Variants in TPRX1 observed in about 807,000 individuals in gnomAD.
TPRX1 encodes the protein tetra-peptide repeat homeobox protein 1.
In TPRX1, 2 loss-of-function variants were observed where a neutral mutation model predicts 8.1. The observed-to-expected ratio is 0.25, with a 90% CI of 0.10 to 0.78. The LOEUF (loss-of-function observed/expected upper bound fraction) is 0.78, where lower values mean the gene tolerates loss of function less well. TPRX1 is among the 30% of genes least tolerant of loss of function. TPRX1 has a pLI of 0.70. For missense variants in TPRX1, 517 were observed against 586.9 expected (o/e 0.88, Z 1.23); for synonymous variants, 257 against 254.1 (o/e 1.01, Z -0.11).
At chr19:47,816,529 A>AT (rs35029272) in intron 2 of TPRX1, among the ~76,000 whole-genome samples, 37,455 of 114,684 alleles carry the variant, frequency 0.33, 7,174 homozygotes, top group Non-Finnish European at 0.39. Context: ...ACCCCTGGGA[A>AT]TTTTTTTTTT....
At chr19:47,818,686 G>A (rs1444808141) in intron 1 of TPRX1, 7 of 382,786 alleles carry the variant, frequency 1.8e-5, no homozygotes, top group Admixed American at 1.3e-4. Flanking sequence ...TCAACAACCT[G>A]ATCCAAGGAT....
intron 2 of TPRX1, among the ~76,000 whole-genome samples, chr19:47,815,844 A>G (rs568468405): frequency 6.6e-6 from 1 of 151,966 alleles, no homozygotes; most frequent in East Asian, 1.9e-4. Context: ...AATTTCCAAT[A>G]CAGTAAGTAG....
At chr19:47,802,809 G>A (rs1183936156) in exon 4 of TPRX1, 22 of 1,601,568 alleles carry the variant, frequency 1.4e-5, no homozygotes, top group African/African-American at 1.1e-4. Flanking sequence ...CAGATCGTGG[G>A]TTCCGCCGCT....
intron 2 of TPRX1, among the ~76,000 whole-genome samples, chr19:47,815,141 TATGCAAATATATATATA>T (rs1967825269): frequency 9.7e-6 from 1 of 103,432 alleles, no homozygotes; most frequent in African/African-American, 4.0e-5. Flanking sequence ...TATATATATA[TATGCAAATATATATATA>T]TATATTTTTT....
At chr19:47,804,402 A>G (rs1227578906) in intron 2 of TPRX1, among the ~76,000 whole-genome samples, 113 bp downstream of exon 1, 2 of 152,138 alleles carry the variant, frequency 1.3e-5, no homozygotes, top group Non-Finnish European at 2.9e-5. Flanking sequence ...CCCCGTCTGC[A>G]GGACAGGAAG....
chr19:47,809,488 ACC>A (rs1375391370), intron 2 of TPRX1, among the ~76,000 whole-genome samples: 1 of 151,774 alleles, frequency 6.6e-6, no homozygotes, highest in Non-Finnish European at 1.5e-5. Context: ...TTGCCATGTT[ACC>A]CAGGCTGACC....
intron 2 of TPRX1, among the ~76,000 whole-genome samples, chr19:47,815,052 G>A (rs1466099502): frequency 7.1e-6 from 1 of 141,174 alleles, no homozygotes; most frequent in African/African-American, 2.7e-5. Context: ...GCCCGTCTTG[G>A]CCTCCCAAAG....
chr19:47,812,298 C>G (rs1379858082), intron 2 of TPRX1, among the ~76,000 whole-genome samples: 1 of 151,988 alleles, frequency 6.6e-6, no homozygotes, highest in Non-Finnish European at 1.5e-5. Context: ...AGGCGTTACT[C>G]AAAGAATCAC....
intron 2 of TPRX1, among the ~76,000 whole-genome samples, chr19:47,814,781 T>G (rs1025079736): frequency 6.6e-6 from 1 of 152,134 alleles, no homozygotes; most frequent in Non-Finnish European, 1.5e-5. Flanking sequence ...GAAAAAGAAT[T>G]TGATACAGAA....
chr19:47,806,636 C>A (rs989190211), intron 2 of TPRX1, among the ~76,000 whole-genome samples: 1 of 152,212 alleles, frequency 6.6e-6, no homozygotes, highest in Non-Finnish European at 1.5e-5. Flanking sequence ...CTGATACGTG[C>A]TACAACATGG....
intron 2 of TPRX1, among the ~76,000 whole-genome samples, chr19:47,815,164 T>TATGAAAATATATATATATATATATA (rs1228376903): frequency 2.0e-5 from 1 of 49,910 alleles, no homozygotes; most frequent in African/African-American, 8.0e-5. Flanking sequence ...ATATATATAT[T>TATGAAAATATATATATATATATATA]TTTTTTTTTT....
intron 2 of TPRX1, among the ~76,000 whole-genome samples, chr19:47,815,370 G>A (rs62131910): frequency 0.33 from 46,841 of 142,552 alleles, 9,517 homozygotes; most frequent in East Asian, 0.63. Flanking sequence ...GGTCAGGCTG[G>A]TCTCGAACTC....
rs1967687569 is a variant in TPRX1 at position 47,802,584 on chromosome 19, CTGGGCCTGAAAT to C, written c.706_717del (p.Ile236_Pro239del). Reference sequence around the variant, plus strand: ...CCACGGAATGGGCCTGGGATCTGGACTGGGCCTGAAATTGGGCCTGGGATTGGGGCTGGGATC... The same window carrying C: ...CCACGGAATGGGCCTGGGATCTGGACTGGGCCTGGGATTGGGGCTGGGATC... On this transcript the variant is annotated inframe_deletion, in exon 4 of 4. Coordinates refer to ENST00000535759, the Ensembl canonical transcript of TPRX1. 9.7e-6 allele frequency: 15 copies of C among 1,544,432 alleles called. 1 individual carries two copies. The highest frequency in any genetic ancestry group is 2.5e-5 in the East Asian group (1 of 40,472).
chr19:47,813,286 G>A (rs183979970), intron 2 of TPRX1, among the ~76,000 whole-genome samples: 27 of 147,738 alleles, frequency 1.8e-4, no homozygotes, highest in Admixed American at 1.7e-3. Flanking sequence ...GTGATTCCCC[G>A]ACCTGCACTC....
intron 2 of TPRX1, among the ~76,000 whole-genome samples, chr19:47,806,964 G>A (rs563405122): frequency 6.6e-6 from 1 of 152,144 alleles, no homozygotes; most frequent in East Asian, 1.9e-4. Context: ...TGCAGTAGTG[G>A]TGTGATCTCG....
intron 2 of TPRX1, among the ~76,000 whole-genome samples, chr19:47,813,425 T>A (rs1967803134): frequency 6.6e-6 from 1 of 152,124 alleles, no homozygotes; most frequent in African/African-American, 2.4e-5. Context: ...TAAGTAACTC[T>A]GGATGAGGGA....
At chr19:47,815,456 A>G (rs1967831187) in intron 2 of TPRX1, among the ~76,000 whole-genome samples, 1 of 149,052 alleles carries the variant, frequency 6.7e-6, no homozygotes, top group African/African-American at 2.4e-5. Flanking sequence ...CCTGGCTCAA[A>G]GAATACTTTA....
chr19:47,812,310 G>T (rs929125603), intron 2 of TPRX1, among the ~76,000 whole-genome samples: 1 of 152,126 alleles, frequency 6.6e-6, no homozygotes. Context: ...AAGAATCACA[G>T]AATAGGCTGG....
intron 2 of TPRX1, among the ~76,000 whole-genome samples, chr19:47,812,555 G>A (rs1238903636): frequency 6.6e-6 from 1 of 151,914 alleles, no homozygotes; most frequent in South Asian, 2.1e-4. Flanking sequence ...CCAATATGGT[G>A]AAACTCTGTC....
Sources: gnomAD v4.1 joint callset for allele counts (sites outside exome capture counted in the v4.1 genomes callset) on GRCh38, gnomAD v4.1.1 for gene constraint, MANE v1.5 for transcripts, NCBI Gene and HGNC (gene_info 2026-07-23, HGNC 2026-07-21) for gene names.